PACSIN2: variants seen among roughly 807,000 people sequenced by gnomAD.
PACSIN2 encodes protein kinase C and casein kinase substrate in neurons protein 2.
In PACSIN2, 25 loss-of-function variants were observed where a neutral mutation model predicts 63.8. The observed-to-expected ratio is 0.39, with a 90% confidence interval of 0.29 to 0.55. The LOEUF (loss-of-function observed/expected upper bound fraction) is 0.55, where lower values mean the gene tolerates loss of function less well. PACSIN2 is among the 20% of genes least tolerant of loss of function. The pLI is 0.62. For missense variants in PACSIN2, 518 were observed against 646.9 expected, an observed-to-expected ratio of 0.80 and a Z score of 2.16; for synonymous variants, 255 against 256.2, an observed-to-expected ratio of 1.00 and a Z score of 0.05.
At chr22:42,907,159 G>C (rs898415919) in intron 2 of PACSIN2, among the ~76,000 whole-genome samples, 4 of 152,228 alleles carry the variant, frequency 2.6e-5, no homozygotes, top group African/African-American at 9.6e-5. Flanking sequence ...AGCTTGGCTG[G>C]AGCCCAGGGC....
At chr22:42,916,643 C>A (rs1931829267) in intron 1 of PACSIN2, among the ~76,000 whole-genome samples, 1 of 152,150 alleles carries the variant, frequency 6.6e-6, no homozygotes, top group Non-Finnish European at 1.5e-5. Context: ...TGCTTGCACA[C>A]CTTGCAGTCC....
intron 1 of PACSIN2, among the ~76,000 whole-genome samples, chr22:42,960,229 G>A (rs561761340): frequency 7.2e-5 from 11 of 152,296 alleles, no homozygotes; most frequent in Admixed American, 2.0e-4. Flanking sequence ...AAAAAAGACA[G>A]CATGCTCTCT....
In PACSIN2 at chr22:42,871,936, G is replaced by A. The variant is rs1363501337; in HGVS notation, c.1349-467C>T. On this transcript the variant is annotated intron_variant, in intron 10 of 10. Transcript: ENST00000263246. The surrounding 1 kb of genome is among the most constrained non-coding windows in gnomAD (Gnocchi z 5.4). ...CTCTCCTCTGCAACTTCCAGGCTGCGAGGGGAAGGGACCATGTCTGACAGT... is the reference window on the plus strand; with the variant it reads ...CTCTCCTCTGCAACTTCCAGGCTGCAAGGGGAAGGGACCATGTCTGACAGT... Among the ~76,000 whole-genome samples the A allele has an allele frequency of 4.6e-5, 1 of 21,796 alleles. No homozygotes were observed. The highest frequency in any genetic ancestry group is 7.1e-5 in the Non-Finnish European group (1 of 14,122). 14.3% of individuals were successfully genotyped at this position (21,796 alleles called of 152,430 possible).
At chr22:43,009,651 A>G (rs1030009006) in intron 1 of PACSIN2, among the ~76,000 whole-genome samples, 1 of 152,158 alleles carries the variant, frequency 6.6e-6, no homozygotes, top group Non-Finnish European at 1.5e-5. Context: ...CAAGAGCCCA[A>G]GGCTCCTAGT....
chr22:42,888,634 A>G lies in PACSIN2; in HGVS notation c.609+9T>C, dbSNP rs1489139464. The stretch of plus-strand genomic sequence containing the variant: ...ACACTCGACGTGTAAAAACAAGTGT[A>G]CAGTTTACCTTAAGAACATCTTGCT... On this transcript the variant is annotated intron_variant, in intron 5 of 10. Coordinates refer to ENST00000263246, the MANE Select transcript of PACSIN2 (RefSeq NM_001184970.3). The G allele has an allele frequency of 6.2e-7, 1 of 1,613,984 alleles. No individual in the cohort carries two copies. The highest frequency in any genetic ancestry group is 1.7e-5 in the Admixed American group (1 of 60,026).
intron 1 of PACSIN2, among the ~76,000 whole-genome samples, chr22:43,010,305 G>T (rs908408777): frequency 2.6e-5 from 4 of 150,950 alleles, no homozygotes; most frequent in Admixed American, 1.3e-4. Flanking sequence ...TTGGGAACCC[G>T]AGATGGGAGG....
At chr22:42,960,400 G>C (rs1463044018) in intron 1 of PACSIN2, among the ~76,000 whole-genome samples, 2 of 152,292 alleles carry the variant, frequency 1.3e-5, no homozygotes, top group Non-Finnish European at 2.9e-5. Context: ...GCAGGAGACA[G>C]GACTGGGGAC....
intron 1 of PACSIN2, among the ~76,000 whole-genome samples, chr22:42,913,479 CCA>C (rs1491528576): frequency 5.0e-5 from 3 of 60,458 alleles, no homozygotes; most frequent in African/African-American, 9.1e-5. Context: ...AACTCCGTCT[CCA>C]AAAAAAAAAA....
intron 10 of PACSIN2, among the ~76,000 whole-genome samples, chr22:42,873,008 A>G (rs1360285399): frequency 6.6e-6 from 1 of 152,142 alleles, no homozygotes; most frequent in African/African-American, 2.4e-5. Flanking sequence ...GAGGCCTGTA[A>G]CCCCACACTA....
At chr22:42,971,093 T>TACTCCC (rs1555939839) in intron 1 of PACSIN2, among the ~76,000 whole-genome samples, 3 of 152,112 alleles carry the variant, frequency 2.0e-5, no homozygotes, top group African/African-American at 7.2e-5. Flanking sequence ...GATAAAAATA[T>TACTCCC]TCTCCCTCTC....
intron 1 of PACSIN2, among the ~76,000 whole-genome samples, chr22:43,010,398 A>ATATATATATATATTTTTTT: frequency 3.5e-4 from 44 of 126,396 alleles, no homozygotes; most frequent in African/African-American, 1.0e-3. Flanking sequence ...ATATATATAT[A>ATATATATATATATTTTTTT]TTTTTTTTTA....
Position 42,884,495 on chromosome 22 carries a change from T to C in PACSIN2, c.676A>G (p.Met226Val). 3 of 1,614,170 alleles carry C rather than the reference T, an allele frequency of 1.9e-6. No homozygotes were observed. The highest frequency in any genetic ancestry group is 2.2e-5 in the East Asian group (1 of 44,890). Residue 226 changes from methionine (M) to valine (V), a missense_variant, in exon 6 of 11, where the codon ATG becomes GTG. Coordinates refer to ENST00000263246, the MANE Select transcript of PACSIN2 (RefSeq NM_001184970.3). ...DQGTPQYMEN[M>V]EQVFEQCQQF... is the part of the protein sequence containing the mutation. Reference sequence around the variant, plus strand: ...TGGCACTGCTCAAACACCTGCTCCATGTTCTCCATGTACTGGGGTGTGCCC... The same window carrying C: ...TGGCACTGCTCAAACACCTGCTCCACGTTCTCCATGTACTGGGGTGTGCCC...
At chr22:42,982,132 C>A (rs1426780519) in intron 1 of PACSIN2, among the ~76,000 whole-genome samples, 4 of 129,202 alleles carry the variant, frequency 3.1e-5, no homozygotes, top group Admixed American at 2.2e-4. Context: ...GGTGGGGGGA[C>A]AGCCCCCCGC....
intron 1 of PACSIN2, among the ~76,000 whole-genome samples, chr22:42,944,677 G>T (rs910963352): frequency 6.6e-6 from 1 of 152,176 alleles, no homozygotes; most frequent in Non-Finnish European, 1.5e-5. Context: ...AAACAATGAC[G>T]AGTTGACAGA....
intron 7 of PACSIN2, among the ~76,000 whole-genome samples, chr22:42,880,450 C>T (rs528835743): frequency 6.6e-6 from 1 of 152,298 alleles, no homozygotes; most frequent in Admixed American, 6.5e-5. Context: ...GGGATCAACA[C>T]CAAGCCGGCA....
chr22:42,963,481 G>A (rs1920930599), intron 1 of PACSIN2, among the ~76,000 whole-genome samples: 1 of 152,196 alleles, frequency 6.6e-6, no homozygotes, highest in South Asian at 2.1e-4. Context: ...CAGTTCATCA[G>A]CCTAGCAGGA....
intron 1 of PACSIN2, among the ~76,000 whole-genome samples, chr22:42,930,269 A>G (rs181389486): frequency 2.0e-5 from 3 of 152,310 alleles, no homozygotes; most frequent in African/African-American, 7.2e-5. Flanking sequence ...TCTCTGTGAC[A>G]TGCAGCCTAA....
intron 1 of PACSIN2, among the ~76,000 whole-genome samples, chr22:43,014,448 G>A (rs1924742962): frequency 6.9e-6 from 1 of 145,432 alleles, no homozygotes; most frequent in South Asian, 2.3e-4. Context: ...CAGCGCACCC[G>A]CGTGTGTCCT....
intron 1 of PACSIN2, among the ~76,000 whole-genome samples, chr22:42,971,830 C>T (rs1921312498): frequency 6.7e-6 from 1 of 149,980 alleles, no homozygotes. Context: ...GGCCAGCAGC[C>T]CCGTCCGGGA....
Sources: allele counts gnomAD v4.1 joint callset (sites outside exome capture counted in the v4.1 genomes callset), GRCh38; gene constraint gnomAD v4.1.1; non-coding constraint Gnocchi (gnomAD v3.1); transcripts MANE v1.5; gene names NCBI Gene and HGNC (gene_info 2026-07-23, HGNC 2026-07-21).